Variants in ZPBP observed in about 807,000 individuals in gnomAD.
ZPBP encodes the protein zona pellucida-binding protein 1.
Under a neutral mutation model 44.8 loss-of-function variants are expected in ZPBP, and 26 were observed. That is an observed-to-expected ratio of 0.58 (90% CI 0.43 to 0.81). The LOEUF is 0.81. Among genes scored for constraint, ZPBP ranks in the 30% least tolerant of loss-of-function variants. The pLI is 0.00. For synonymous variants in ZPBP, 174 were observed against 153.2 expected (o/e 1.14, Z -1.00); for missense variants, 409 against 434.0 (o/e 0.94, Z 0.51).
chr7:49,999,342 G>A (rs909455612), intron 6 of ZPBP, among the ~76,000 whole-genome samples: 4 of 151,712 alleles, frequency 2.6e-5, no homozygotes, highest in African/African-American at 9.7e-5. Context: ...AAAAGCTGGT[G>A]AGGAGAAAGA....
At chr7:49,874,548 A>ATGTG (rs3062201) in intron 2 of ZPBP, among the ~76,000 whole-genome samples, 1,682 of 147,754 alleles carry the variant, frequency 0.011, 25 homozygotes, top group African/African-American at 0.039. Context: ...ATGACTATAT[A>ATGTG]TGTGTGTGTG....
At chr7:49,865,803 T>C (rs1403626378) in intron 2 of ZPBP, among the ~76,000 whole-genome samples, 4 of 152,164 alleles carry the variant, frequency 2.6e-5, no homozygotes, top group Non-Finnish European at 4.4e-5. Context: ...ATATCAACCT[T>C]ATCCCAGCAC....
At chr7:49,876,659 A>G (rs1791426076) in intron 2 of ZPBP, among the ~76,000 whole-genome samples, 1 of 152,128 alleles carries the variant, frequency 6.6e-6, no homozygotes, top group African/African-American at 2.4e-5. Context: ...GTTTTTTAGA[A>G]GACTTGACAT....
rs746792066 is a variant in ZPBP, at chr7:50,081,821, A to G, written c.287T>C (p.Ile96Thr). The change falls in exon 3 of 8, where the codon ATA (isoleucine) becomes ACA (threonine). Residue 96 changes from isoleucine to threonine, a missense_variant. Physicochemically the swap from Ile to Thr is moderately conservative, Grantham distance 89. This residue lies in a region of ZPBP where 367 missense variants were observed against 363.1 expected (regional missense o/e 1.01). Transcript: ENST00000046087. The part of the protein sequence containing the change: ...VTQQLRNAEL[I>T]DPSFQWYGPK... ...CCCATACCATTGGAATGATGGGTCT[A>G]TCAGTTCAGCATTTCGCAGTTGTTG... 6.8e-6 allele frequency: 11 copies of G among 1,611,692 alleles called. No homozygotes were observed. The highest frequency in any genetic ancestry group is 1.7e-4 in the Middle Eastern group (1 of 6,030).
chr7:49,874,180 C>A (rs958802773), intron 2 of ZPBP, among the ~76,000 whole-genome samples: 3 of 149,532 alleles, frequency 2.0e-5, no homozygotes, highest in African/African-American at 4.9e-5. Context: ...ATGCACACAC[C>A]CACACACACA....
At chr7:49,939,986 C>T (rs1271609911) in intron 7 of ZPBP, among the ~76,000 whole-genome samples, 2 of 152,150 alleles carry the variant, frequency 1.3e-5, no homozygotes, top group Non-Finnish European at 2.9e-5. Context: ...TTTGTGGTCT[C>T]AAACTTGTAG....
At position 49,940,752 on chromosome 7, in the gene ZPBP, A is replaced by T. The variant is rs1794842276; in HGVS notation, c.962-3130T>A. On this transcript the variant is annotated intron_variant, in intron 7 of 7. Transcript: ENST00000046087. ...CTCCTTCCCCATGCAGCTCTGGAAG[A>T]TTCCATCCTACACAACTGAGAGAAC... 5 of 985,122 alleles carry T rather than the reference A, an allele frequency of 5.1e-6. No individual in the cohort carries two copies. In the South Asian group the frequency reaches 1.9e-4, roughly 37 times the overall value. 61.0% of individuals were successfully genotyped at this position (985,122 alleles called of 1,614,324 possible).
intron 5 of ZPBP, among the ~76,000 whole-genome samples, chr7:50,030,326 G>A (rs772801757): frequency 2.0e-5 from 3 of 152,050 alleles, no homozygotes; most frequent in Non-Finnish European, 4.4e-5. Flanking sequence ...CAGGTGAAAA[G>A]TAAGGAAGAT....
chr7:49,995,745 T>C (rs888878205), intron 6 of ZPBP, among the ~76,000 whole-genome samples: 7 of 151,986 alleles, frequency 4.6e-5, no homozygotes, highest in African/African-American at 1.7e-4. Context: ...CTGGAGACCA[T>C]TATGTTACGT....
chr7:50,012,756 C>A (rs557214763), intron 6 of ZPBP, among the ~76,000 whole-genome samples: 1 of 149,752 alleles, frequency 6.7e-6, no homozygotes, highest in African/African-American at 2.5e-5. Flanking sequence ...ATTCTTGCCA[C>A]ATCTATTCAA....
intron 1 of ZPBP, among the ~76,000 whole-genome samples, chr7:49,927,507 T>C (rs1794284940): frequency 1.3e-5 from 2 of 152,198 alleles, no homozygotes; most frequent in African/African-American, 4.8e-5. Flanking sequence ...TAGAGTCATA[T>C]TGGAAGGGAG....
intron 4 of ZPBP, among the ~76,000 whole-genome samples, chr7:50,054,873 G>C (rs1303030364): frequency 1.3e-5 from 2 of 151,774 alleles, no homozygotes; most frequent in African/African-American, 4.8e-5. Flanking sequence ...CACACACACA[G>C]AGCTCACACA....
intron 3 of ZPBP, among the ~76,000 whole-genome samples, chr7:50,068,574 C>A (rs1345340735): frequency 2.0e-5 from 3 of 152,180 alleles, no homozygotes; most frequent in Admixed American, 6.5e-5. Context: ...TGCGTTCACA[C>A]CTGCGTTCAT....
chr7:49,852,353 G>T (rs888557734), intron 2 of ZPBP, among the ~76,000 whole-genome samples: 2 of 152,218 alleles, frequency 1.3e-5, no homozygotes, highest in African/African-American at 4.8e-5. Flanking sequence ...TCAAAGAAGA[G>T]GCCTGGCAGG....
chr7:49,853,442 G>C (rs191559335), intron 2 of ZPBP, among the ~76,000 whole-genome samples: 1 of 152,160 alleles, frequency 6.6e-6, no homozygotes, highest in Non-Finnish European at 1.5e-5. Context: ...GCTGGGCATC[G>C]GGGCATATTA....
chr7:49,888,812 G>A (rs891223759), intron 2 of ZPBP, among the ~76,000 whole-genome samples: 1 of 152,152 alleles, frequency 6.6e-6, no homozygotes, highest in Non-Finnish European at 1.5e-5. Flanking sequence ...TTTGGGGGCC[G>A]AGGCAGGAGA....
intron 6 of ZPBP, among the ~76,000 whole-genome samples, chr7:50,010,624 G>T (rs930276373): frequency 6.6e-6 from 1 of 151,890 alleles, no homozygotes; most frequent in African/African-American, 2.4e-5. Context: ...ATAGTGAAAT[G>T]CTTAGGAATA....
chr7:50,047,292 T>C (rs1313380041), intron 4 of ZPBP, among the ~76,000 whole-genome samples: 1 of 151,718 alleles, frequency 6.6e-6, no homozygotes, highest in Admixed American at 6.6e-5. Context: ...ATTTAAACTA[T>C]AATTAAAAAA....
At position 50,006,275 on chromosome 7, in the gene ZPBP, C is replaced by T. The variant is rs116596574; in HGVS notation, c.783+11965G>A. ...GAACAATACCATAGATCAACAGGAC[C>T]TAAAAGATGCACAGAACACTCCACC... On this transcript the variant is annotated intron_variant, in intron 6 of 7. Transcript: ENST00000046087. Among the ~76,000 whole-genome samples the T allele has an allele frequency of 4.6e-3, 702 of 151,970 alleles. 13 individuals are homozygous for T. The highest frequency in any genetic ancestry group is 0.016 in the African/African-American group (682 of 41,442).
Sources: gnomAD v4.1 joint callset for allele counts (sites outside exome capture counted in the v4.1 genomes callset) on GRCh38, gnomAD v4.1.1 for gene constraint, gnomAD v4.1.1 regional missense constraint, MANE v1.5 for transcripts, NCBI Gene and HGNC (gene_info 2026-07-23, HGNC 2026-07-21) for gene names.